CKMT1B: variants seen among roughly 807,000 people sequenced by gnomAD.
CKMT1B encodes creatine kinase, mitochondrial 1B.
Under a neutral mutation model 21.8 loss-of-function variants are expected in CKMT1B, and 13 were observed. The ratio of observed to expected loss-of-function variants is 0.60; its 90% CI spans 0.39 to 0.95. The LOEUF (loss-of-function observed/expected upper bound fraction) is 0.95. CKMT1B is among the 40% of genes least tolerant of loss of function. The pLI, the probability that CKMT1B is intolerant of heterozygous loss-of-function variation, is 0.00. For synonymous variants in CKMT1B, 50 were observed against 80.3 expected (o/e 0.62, Z 2.02); for missense variants, 157 against 227.5 (o/e 0.69, Z 1.99).
rs2085601089 is a variant in CKMT1B, at chr15:43,597,939, C to A, written c.877-254C>A. 1.1e-5 allele frequency: 15 copies of A among 1,378,634 alleles called. 1 individual carries two copies. The South Asian group carries it at 2.2e-4, about 20-fold the overall frequency. 85.4% of individuals were successfully genotyped at this position (1,378,634 alleles called of 1,614,324 possible). On this transcript the variant is annotated intron_variant, in intron 6 of 8. Coordinates refer to ENST00000441322, the MANE Select transcript of CKMT1B (RefSeq NM_001375484.1). ...TCCCTAGATCATCCTTAATACACCA[C>A]TCCTTCGAGTTTTCTTCTTCCACAT...
chr15:43,597,261 T>G (rs1328473721), intron 6 of CKMT1B: 36 of 344,412 alleles, frequency 1.0e-4, no homozygotes, highest in Non-Finnish European at 1.7e-4. Flanking sequence ...CTACTATTTT[T>G]GGCAAGTAAT....
chr15:43,599,365 T>A lies in CKMT1B; in HGVS notation c.*92T>A. The A allele has an allele frequency of 1.3e-6, 2 of 1,596,844 alleles. No homozygotes were observed. The highest frequency in any genetic ancestry group is 1.7e-6 in the Non-Finnish European group (2 of 1,169,166). On this transcript the variant is annotated 3_prime_UTR_variant, in exon 9 of 9. Transcript: ENST00000441322. ...TACTTGCTCTGGACCTGCCCCCGCA[T>A]CCCCTGCCTCCATCCTAGTAAAGAC...
At chr15:43,598,156 C>T in intron 6 of CKMT1B, 37 bp from the exon 7 acceptor site, 1 of 1,608,370 alleles carries the variant, frequency 6.2e-7, no homozygotes, top group Non-Finnish European at 8.5e-7. Context: ...AATGAAATAT[C>T]CCTGATTTTT....
intron 6 of CKMT1B, chr15:43,597,479 T>A (rs191824279): frequency 1.6e-6 from 2 of 1,256,924 alleles, no homozygotes; most frequent in East Asian, 6.0e-5. Context: ...GATGGAAGAG[T>A]TTCCCCCCAT....
rs370436452 is a variant in CKMT1B at position 43,598,823 on chromosome 15, C to T, written c.1012-4C>T. 27 of 1,604,616 alleles carry T rather than the reference C, an allele frequency of 1.7e-5. No homozygotes were observed. In the South Asian group the frequency reaches 2.9e-4, roughly 17 times the overall value. ...CCTGCTCCCAATCCCTATCTCCTCT[C>T]TAGGATAGCCGCTTCCCAAAGATCC... On this transcript the variant is annotated splice_polypyrimidine_tract_variant and splice_region_variant and intron_variant, in intron 7 of 8. Transcript: ENST00000441322.
At position 43,598,878 on chromosome 15, in the gene CKMT1B, A is replaced by G. The variant is rs1174421526; in HGVS notation, c.1063A>G (p.Thr355Ala). Residue 355 changes from threonine to alanine, a missense_variant, in exon 8 of 9, where the codon ACT becomes GCT. Physicochemically the swap from Thr to Ala is moderately conservative, Grantham distance 58. Transcript: ENST00000441322. ...LENLRLQKRG[T>A]GGVDTAATGG... ...GAACCTAAGACTCCAAAAACGTGGT[A>G]CTGGAGGAGTGGACACTGCTGCTAC... 6 of 1,609,126 alleles carry G rather than the reference A, an allele frequency of 3.7e-6. No homozygotes were observed. The highest frequency in any genetic ancestry group is 5.1e-6 in the Non-Finnish European group (6 of 1,179,536).
rs191555202 is a variant in CKMT1B at position 43,599,362 on chromosome 15, G to A, written c.*89G>A. 152 of 1,599,652 alleles carry A rather than the reference G, an allele frequency of 9.5e-5. 1 individual carries two copies. Among genetic ancestry groups the A allele is most frequent in the Middle Eastern group, 5.0e-4 (3 of 5,946 alleles). ...TTCTACTTGCTCTGGACCTGCCCCC[G>A]CATCCCCTGCCTCCATCCTAGTAAA... On this transcript the variant is annotated 3_prime_UTR_variant, in exon 9 of 9. Transcript: ENST00000441322.
At chr15:43,599,037 G>C (rs56397895) in intron 8 of CKMT1B, 85 bp downstream of exon 8, 232,796 of 1,586,332 alleles carry the variant, frequency 0.15, 33,981 homozygotes, top group African/African-American at 0.7. Flanking sequence ...CGGGATGTAA[G>C]ATAATCTGAA....
chr15:43,597,997 C>T, intron 6 of CKMT1B, 196 bp from the exon 7 acceptor site: 2 of 1,391,936 alleles, frequency 1.4e-6, no homozygotes, highest in Non-Finnish European at 1.9e-6. Context: ...TTATTATGCA[C>T]ATCATAATTT....
rs1293348660 is a variant in CKMT1B, at chr15:43,598,396, G to A, written c.1011+69G>A. 1.9e-6 allele frequency: 3 copies of A among 1,597,106 alleles called. 1 individual carries two copies. The Admixed American group carries it at 5.1e-5, about 27-fold the overall frequency. ...GTGGGTTGTGGATGGGGAGGGAGTG[G>A]ACCCTTTGGAAAGGAGCCAAACATG... On this transcript the variant is annotated intron_variant, in intron 7 of 8. Coordinates refer to ENST00000441322, the MANE Select transcript of CKMT1B (RefSeq NM_001375484.1).
intron 6 of CKMT1B, chr15:43,597,664 C>T (rs1252671801): frequency 4.2e-5 from 39 of 936,240 alleles, no homozygotes; most frequent in Non-Finnish European, 5.1e-5. Context: ...ACGCCTTCCC[C>T]CCGCCCCCTA....
rs757484082 is a variant in CKMT1B, at chr15:43,599,132, C to T, written c.1138-25C>T. ...AAAGAAAAACTCAGACTGTAGGAAG[C>T]AGATCAAAGATTAGTGTCCCTTAGG... On this transcript the variant is annotated intron_variant, in intron 8 of 8. Coordinates refer to ENST00000441322, the MANE Select transcript of CKMT1B (RefSeq NM_001375484.1). The T allele has an allele frequency of 6.2e-6, 10 of 1,613,144 alleles. No homozygotes were observed. The South Asian group carries it at 1.1e-4, about 18-fold the overall frequency.
chr15:43,598,031 A>G (rs2085603278), intron 6 of CKMT1B, 162 bp from the exon 7 acceptor site: 1 of 1,433,570 alleles, frequency 7.0e-7, no homozygotes, highest in Non-Finnish European at 9.2e-7. Flanking sequence ...CATGAAAACA[A>G]TAACAAACCT....
In CKMT1B at chr15:43,598,897, C is replaced by T. The variant is rs769390403; in HGVS notation, c.1082C>T (p.Ala361Val). ...QKRGTGGVDT[A>V]ATGGVFDISN... ...CGTGGTACTGGAGGAGTGGACACTG[C>T]TGCTACAGGCGGTGTCTTTGATATT... The change falls in exon 8 of 9, where the codon GCT (alanine) becomes GTT (valine). Residue 361 changes from alanine (A) to valine (V), a missense_variant. Ala to Val is a moderately conservative substitution (Grantham distance 64, BLOSUM62 0). Coordinates refer to ENST00000441322, the MANE Select transcript of CKMT1B (RefSeq NM_001375484.1). The T allele has an allele frequency of 2.2e-5, 36 of 1,609,292 alleles. No individual in the cohort carries two copies. The highest frequency in any genetic ancestry group is 2.9e-5 in the Non-Finnish European group (34 of 1,179,618).
At position 43,598,211 on chromosome 15, in the gene CKMT1B, G is replaced by A; in HGVS notation, c.895G>A (p.Glu299Lys). 1 of 1,608,400 alleles carries A rather than the reference G, an allele frequency of 6.2e-7. No individual in the cohort carries two copies. The highest frequency in any genetic ancestry group is 8.5e-7 in the Non-Finnish European group (1 of 1,179,642). The change falls in exon 7 of 9, where the codon GAA becomes AAA. Residue 299 changes from glutamate to lysine, a missense_variant. Transcript: ENST00000441322. ...GACTCAGGTGGAGAGACTTATCCAA[G>A]AACGTGGCTGGGAGTTCATGTGGAA... Reference protein sequence around the residue: ...GLKEVERLIQERGWEFMWNER... With the variant: ...GLKEVERLIQKRGWEFMWNER...
intron 6 of CKMT1B, chr15:43,597,566 GT>G: frequency 9.5e-7 from 1 of 1,053,980 alleles, no homozygotes; most frequent in Non-Finnish European, 1.2e-6. Context: ...ATGTTGGGTT[GT>G]GGTCTTTGTG....
intron 6 of CKMT1B, chr15:43,597,762 T>C (rs1480814730): frequency 1.6e-5 from 16 of 995,130 alleles, no homozygotes; most frequent in South Asian, 1.5e-4. Flanking sequence ...AATGTTATCT[T>C]ACCTCTTCCT....
Position 43,599,025 on chromosome 15 carries a change from T to G in CKMT1B, c.1137+73T>G. On this transcript the variant is annotated intron_variant, in intron 8 of 8. Coordinates refer to ENST00000441322, the MANE Select transcript of CKMT1B (RefSeq NM_001375484.1). ...GCCGAAATATGGCAGTGAGTGAGCC[T>G]CCGGGATGTAAGATAATCTGAAATG... 7 of 1,599,304 alleles carry G rather than the reference T, an allele frequency of 4.4e-6. No individual in the cohort carries two copies. In the South Asian group the frequency reaches 7.9e-5, roughly 18 times the overall value.
chr15:43,599,133 A>C (rs2068223572), intron 8 of CKMT1B, 24 bp from the exon 9 acceptor site: 2 of 1,613,284 alleles, frequency 1.2e-6, no homozygotes, highest in Non-Finnish European at 1.7e-6. Flanking sequence ...TGTAGGAAGC[A>C]GATCAAAGAT....
Sources: allele counts gnomAD v4.1 joint callset, GRCh38; gene constraint gnomAD v4.1.1; transcripts MANE v1.5; gene names NCBI Gene and HGNC (gene_info 2026-07-23, HGNC 2026-07-21).